ZER1: variants seen among roughly 807,000 people sequenced by gnomAD.
ZER1 encodes protein zer-1 homolog.
In ZER1, 11 loss-of-function variants were observed where a neutral mutation model predicts 78.8. The ratio of observed to expected loss-of-function variants is 0.14; its 90% CI spans 0.09 to 0.23. The LOEUF (loss-of-function observed/expected upper bound fraction) is 0.23. Ranked by LOEUF, ZER1 falls within the 10% of genes least tolerant of loss-of-function variation. The probability of loss-of-function intolerance (pLI) is 1.00; values close to 1 mark genes in which losing one functional copy is unlikely to be tolerated. For synonymous variants in ZER1, 400 were observed against 407.0 expected, an observed-to-expected ratio of 0.98 and a Z score of 0.21; for missense variants, 588 against 996.9, an observed-to-expected ratio of 0.59 and a Z score of 5.52.
Position 128,754,880 on chromosome 9 carries a change from T to C in ZER1, c.158+528A>G, listed in dbSNP as rs1323120576. Among the ~76,000 whole-genome samples, 2 of 152,138 alleles carry C rather than the reference T, an allele frequency of 1.3e-5. No individual in the cohort carries two copies. The highest frequency in any genetic ancestry group is 2.9e-5 in the Non-Finnish European group (2 of 68,012). Reference sequence around the variant, plus strand: ...ATTCAGTGACTGCATAGCATGCTTCTAGGAGCCCCTAGGAGTGGGGAGGCC... The same window carrying C: ...ATTCAGTGACTGCATAGCATGCTTCCAGGAGCCCCTAGGAGTGGGGAGGCC... On this transcript the variant is annotated intron_variant, in intron 2 of 15. Transcript: ENST00000291900. This position sits in a 1 kb window ranked among gnomAD's most constrained non-coding sequence, Gnocchi z 4.3.
chr9:128,765,250 C>CAT (rs57009559), intron 1 of ZER1, among the ~76,000 whole-genome samples: 1 of 149,810 alleles, frequency 6.7e-6, no homozygotes, highest in East Asian at 2.0e-4. Context: ...CACACACACA[C>CAT]GTGCGCAAGC....
chr9:128,732,309 A>G lies in ZER1; in HGVS notation c.2244-915T>C, dbSNP rs1374573744. ...TGTTAACCATGAAAATTCCAGGGCC[A>G]CCTCCCACCTCCCGGATGTACTGGA... is the stretch of plus-strand genomic sequence containing the variant. On this transcript the variant is annotated intron_variant, in intron 15 of 15. Transcript: ENST00000291900. This position sits in a 1 kb window ranked among gnomAD's most constrained non-coding sequence, Gnocchi z 4.8. Among the ~76,000 whole-genome samples the G allele has an allele frequency of 6.6e-6, 1 of 151,794 alleles. No individual in the cohort carries two copies. Among genetic ancestry groups the G allele is most frequent in the African/African-American group, 2.4e-5 (1 of 41,282 alleles).
intron 13 of ZER1, among the ~76,000 whole-genome samples, 177 bp downstream of exon 13, chr9:128,739,754 C>T (rs563156723): frequency 5.3e-5 from 8 of 152,160 alleles, no homozygotes; most frequent in South Asian, 2.1e-4. Context: ...CGGATGAGAT[C>T]GTGCCCTTAT....
chr9:128,738,642 C>T (rs1298570009), intron 13 of ZER1, among the ~76,000 whole-genome samples: 6 of 152,072 alleles, frequency 3.9e-5, no homozygotes, highest in Non-Finnish European at 8.8e-5. Flanking sequence ...GCCTCTGCCT[C>T]CCAAAGTGCT....
chr9:128,758,326 A>G (rs546619569), intron 1 of ZER1, among the ~76,000 whole-genome samples: 4 of 152,142 alleles, frequency 2.6e-5, no homozygotes, highest in African/African-American at 9.6e-5. Flanking sequence ...AGGGTTATCC[A>G]TGTTGGCCAG....
rs761948521 is a variant in ZER1 at position 128,751,281 on chromosome 9, C to G, written c.1039-13G>C. ...TGTCACCACTTACCTGCGGGTGGGA[C>G]ACGCTCAGAACAACCCAGCAGAGGC... On this transcript the variant is annotated splice_polypyrimidine_tract_variant and intron_variant, in intron 6 of 15. Transcript: ENST00000291900. This position sits in a 1 kb window ranked among gnomAD's most constrained non-coding sequence, Gnocchi z 5.4. 6.3e-7 allele frequency: 1 copy of G among 1,597,676 alleles called. No individual in the cohort carries two copies. The highest frequency in any genetic ancestry group is 1.1e-5 in the South Asian group (1 of 90,368).
At position 128,760,036 on chromosome 9, in the gene ZER1, C is replaced by T. The variant is rs117369532; in HGVS notation, c.-94-4377G>A. ...CTGGGACCACAGGCATGTGCCACCA[C>T]GCCCAGTAAATTTTTTAATTTTTAG... is the stretch of plus-strand genomic sequence containing the variant. On this transcript the variant is annotated intron_variant, in intron 1 of 15. Coordinates refer to ENST00000291900, the MANE Select transcript of ZER1 (RefSeq NM_006336.4). Among the ~76,000 whole-genome samples the T allele has an allele frequency of 3.3e-3, 492 of 151,378 alleles. 8 individuals carry two copies. In the East Asian group the frequency reaches 0.034, roughly 11 times the overall value.
chr9:128,764,419 G>T (rs12555038), intron 1 of ZER1, among the ~76,000 whole-genome samples: 1 of 151,928 alleles, frequency 6.6e-6, no homozygotes, highest in Non-Finnish European at 1.5e-5. Context: ...CTTTTCTGCA[G>T]GTCTGAGCCC....
Position 128,752,821 on chromosome 9 carries a change from A to G in ZER1, c.775T>C (p.Ser259Pro). Residue 259 changes from serine (S) to proline (P), a missense_variant, in exon 5 of 16, where the codon TCC becomes CCC. Ser to Pro is a moderately conservative substitution (Grantham distance 74, BLOSUM62 -1). Around this residue, in one of 3 missense-constraint regions of ZER1, gnomAD observed 406 missense variants for 660.1 expected, o/e 0.62. Transcript: ENST00000291900. ...GTCAGCTTGAACTTGTAGTAGCTGG[A>G]GAGGCGGTCTCGGGAGATGTCCAGG... ...RHLDISRDRL[S>P]SYYKFKLTRE... is the part of the protein sequence containing the mutation. 1 of 1,614,110 alleles carries G rather than the reference A, an allele frequency of 6.2e-7. No homozygotes were observed. Among genetic ancestry groups the G allele is most frequent in the Non-Finnish European group, 8.5e-7 (1 of 1,179,992 alleles).
intron 8 of ZER1, among the ~76,000 whole-genome samples, chr9:128,745,572 G>C (rs929314813): frequency 1.3e-5 from 2 of 151,852 alleles, no homozygotes; most frequent in African/African-American, 4.8e-5. Context: ...GGCCAGGCTG[G>C]TCTTGAACTC....
At chr9:128,752,890 C>T (rs781257319) in intron 4 of ZER1, 41 bp from the exon 5 acceptor site, 2 of 1,583,786 alleles carry the variant, frequency 1.3e-6, no homozygotes, top group African/African-American at 1.4e-5. Flanking sequence ...GAGCTGGGTA[C>T]AGGGTGGGGC....
chr9:128,742,470 A>G (rs1481256785), intron 9 of ZER1, 60 bp downstream of exon 9: 3 of 1,578,976 alleles, frequency 1.9e-6, no homozygotes, highest in Non-Finnish European at 2.6e-6. Context: ...CGCTCAGGGT[A>G]GAGGGGTGGG....
intron 1 of ZER1, among the ~76,000 whole-genome samples, chr9:128,756,878 T>G (rs918609591): frequency 4.6e-5 from 7 of 152,200 alleles, no homozygotes; most frequent in Non-Finnish European, 1.0e-4. Context: ...GTGTGACATG[T>G]GAATTATATA....
chr9:128,736,322 G>C (rs904666922), intron 13 of ZER1, among the ~76,000 whole-genome samples: 2 of 152,026 alleles, frequency 1.3e-5, no homozygotes, highest in African/African-American at 4.8e-5. Context: ...CTGACCTCAA[G>C]TGATCCACCT....
Position 128,755,899 on chromosome 9 carries a change from G to A in ZER1, c.-94-240C>T, listed in dbSNP as rs980652130. Among the ~76,000 whole-genome samples the A allele has an allele frequency of 6.6e-6, 1 of 152,200 alleles. No homozygotes were observed. Among genetic ancestry groups the A allele is most frequent in the African/African-American group, 2.4e-5 (1 of 41,448 alleles). On this transcript the variant is annotated intron_variant, in intron 1 of 15. Coordinates refer to ENST00000291900, the MANE Select transcript of ZER1 (RefSeq NM_006336.4). This position sits in a 1 kb window ranked among gnomAD's most constrained non-coding sequence, Gnocchi z 5.6. ...AGCACTTATTTGCCTGTGAGCAGAC[G>A]TGTGTGCTGGGGACCCAGTGCTTGG...
At chr9:128,747,135 G>A (rs1863519804) in intron 8 of ZER1, among the ~76,000 whole-genome samples, 1 of 150,778 alleles carries the variant, frequency 6.6e-6, no homozygotes, top group Admixed American at 6.6e-5. Flanking sequence ...GGAGGTAGAG[G>A]TTGTAGTGAG....
chr9:128,733,490 T>TC lies in ZER1; in HGVS notation c.2178dup (p.Met727AspfsTer9), dbSNP rs1244464686. On this transcript the variant is annotated frameshift_variant, in exon 15 of 16. Coordinates refer to ENST00000291900, the MANE Select transcript of ZER1 (RefSeq NM_006336.4). LOFTEE classifies it high-confidence loss of function. ...TTAATTATGTCCCTCAGAAGGGGCATCCCCCCTTCTTTGATCAGCAGAGGG... is the reference window on the plus strand; with the variant it reads ...TTAATTATGTCCCTCAGAAGGGGCATCCCCCCCTTCTTTGATCAGCAGAGGG... 6.2e-7 allele frequency: 1 copy of TC among 1,613,212 alleles called. No individual in the cohort carries two copies. Among genetic ancestry groups the TC allele is most frequent in the African/African-American group, 1.3e-5 (1 of 74,722 alleles).
chr9:128,744,657 T>G (rs2132422433), intron 8 of ZER1, among the ~76,000 whole-genome samples: 1 of 151,830 alleles, frequency 6.6e-6, no homozygotes, highest in South Asian at 2.1e-4. Context: ...TTTTGTATTT[T>G]TAGTAGAGAC....
Position 128,742,520 on chromosome 9 carries a change from C to A in ZER1, c.1575+10G>T, listed in dbSNP as rs752166640. Reference sequence around the variant, plus strand: ...CTCAGGAGGAAGGGGGCAGCGCCCCCCACACGTACCACGACAAAGCCCATC... The same window carrying A: ...CTCAGGAGGAAGGGGGCAGCGCCCCACACACGTACCACGACAAAGCCCATC... On this transcript the variant is annotated intron_variant, in intron 9 of 15. Coordinates refer to ENST00000291900, the MANE Select transcript of ZER1 (RefSeq NM_006336.4). 2.7e-5 allele frequency: 44 copies of A among 1,613,368 alleles called. No homozygotes were observed. In the Admixed American group the frequency reaches 6.5e-4, roughly 24 times the overall value.
Sources: gnomAD v4.1 joint callset for allele counts (sites outside exome capture counted in the v4.1 genomes callset) on GRCh38, gnomAD v4.1.1 for gene constraint, gnomAD v4.1.1 regional missense constraint, Gnocchi (gnomAD v3.1) non-coding constraint, MANE v1.5 for transcripts, NCBI Gene and HGNC (gene_info 2026-07-23, HGNC 2026-07-21) for gene names.